Variants in MAMLD1 observed in about 807,000 individuals in gnomAD.
The protein encoded by MAMLD1 is mastermind-like domain-containing protein 1.
A neutral mutation model predicts 45.0 loss-of-function variants in MAMLD1; 14 were observed. The observed-to-expected ratio is 0.31, with a 90% confidence interval of 0.21 to 0.49. The LOEUF (loss-of-function observed/expected upper bound fraction) is 0.49, where lower values mean the gene tolerates loss of function less well. MAMLD1 is among the 20% of genes least tolerant of loss of function. The pLI, the probability that MAMLD1 is intolerant of heterozygous loss-of-function variation, is 0.99. For missense variants in MAMLD1, 543 were observed against 603.6 expected (o/e 0.90, Z 1.05); for synonymous variants, 254 against 247.8 (o/e 1.02, Z -0.24).
intron 1 of MAMLD1, among the ~76,000 whole-genome samples, chrX:150,374,594 G>A (rs2032209696): frequency 8.9e-6 from 1 of 112,310 alleles, no homozygotes; most frequent in African/African-American, 3.2e-5. Context: ...CTTTGATACT[G>A]CATAAGTTAC....
Position 150,512,265 on chromosome X carries a change from TCTGC to T in MAMLD1, c.*308_*311del, listed in dbSNP as rs1557409163. The stretch of plus-strand genomic sequence containing the variant: ...ACTCCCCTGGGCAGACTTGACTCTG[TCTGC>T]CAGCATATGCAGAGTCCCAAGGCCA... On this transcript the variant is annotated 3_prime_UTR_variant, in exon 8 of 8. Transcript: ENST00000370401. The T allele has an allele frequency of 1.3e-5, 14 of 1,114,156 alleles. No individual in the cohort carries two copies. The highest frequency in any genetic ancestry group is 1.8e-5 in the African/African-American group (1 of 54,746). The allele number at this position is 1,114,156 out of a possible 1,213,427, so 91.8% of individuals were successfully genotyped here. A position where few individuals can be genotyped will look rare whatever the true frequency, so the allele number is the denominator to read the frequency against.
At chrX:150,366,368 C>T (rs1324789349) in intron 1 of MAMLD1, among the ~76,000 whole-genome samples, 1 of 112,183 alleles carries the variant, frequency 8.9e-6, no homozygotes, top group Non-Finnish European at 1.9e-5. Flanking sequence ...CAAATGCGCG[C>T]ATACACACAT....
intron 1 of MAMLD1, among the ~76,000 whole-genome samples, chrX:150,444,207 G>A (rs1421725738): frequency 8.9e-6 from 1 of 111,833 alleles, no homozygotes; most frequent in African/African-American, 3.3e-5. Context: ...CTATGTGGGG[G>A]TGGAGTCTAG....
At chrX:150,404,378 C>T (rs111944108) in intron 1 of MAMLD1, among the ~76,000 whole-genome samples, 48 of 111,653 alleles carry the variant, frequency 4.3e-4, no homozygotes, top group African/African-American at 1.6e-3. Flanking sequence ...TGGAGATTCT[C>T]ACCCAGAAAG....
At chrX:150,497,404 C>T (rs1557408342) in intron 5 of MAMLD1, among the ~76,000 whole-genome samples, 1 of 107,583 alleles carries the variant, frequency 9.3e-6, no homozygotes, top group African/African-American at 3.4e-5. Flanking sequence ...GTGCCTCAGC[C>T]TCCCAAGTAG....
At position 150,462,678 on chromosome X, in the gene MAMLD1, C is replaced by A. The variant is rs1377339164; in HGVS notation, c.97-94C>A. 3 of 599,597 alleles carry A rather than the reference C, an allele frequency of 5.0e-6. No individual in the cohort carries two copies. In the African/African-American group the frequency reaches 6.6e-5, roughly 13 times the overall value. The allele number at this position is 599,597 out of a possible 1,213,427, so 49.4% of individuals were successfully genotyped here. A position where few individuals can be genotyped will look rare whatever the true frequency, so the allele number is the denominator to read the frequency against. On this transcript the variant is annotated intron_variant, in intron 2 of 7. Coordinates refer to ENST00000370401, the MANE Select transcript of MAMLD1 (RefSeq NM_005491.5). ...GAGGCTCATAATTTGATTCAAGTAACAGTCTGATCTGTGCCTCTCACTGAG... is the reference window on the plus strand; with the variant it reads ...GAGGCTCATAATTTGATTCAAGTAAAAGTCTGATCTGTGCCTCTCACTGAG...
chrX:150,513,748 G>A lies in MAMLD1; in HGVS notation c.*1789G>A, dbSNP rs182441278. 2.0e-4 allele frequency: 59 copies of A among 295,426 alleles called. 1 individual carries two copies. Among genetic ancestry groups the A allele is most frequent in the African/African-American group, 1.3e-3 (47 of 36,333 alleles). 24.3% of individuals were successfully genotyped at this position (295,426 alleles called of 1,213,427 possible). A position where few individuals can be genotyped will look rare whatever the true frequency, so the allele number is the denominator to read the frequency against. On this transcript the variant is annotated 3_prime_UTR_variant, in exon 8 of 8. Coordinates refer to ENST00000370401, the MANE Select transcript of MAMLD1 (RefSeq NM_005491.5). Reference sequence around the variant, plus strand: ...GAGGCGCAGAGACAGTGTGTGAGCCGAGCCCTGTCTCAGCAATCCACCTGG... The same window carrying A: ...GAGGCGCAGAGACAGTGTGTGAGCCAAGCCCTGTCTCAGCAATCCACCTGG...
rs782570263 is a variant in MAMLD1 at position 150,468,150 on chromosome X, T to C, written c.172-1595T>C. ...GCCTGGGCCACACCCTGGATGAAGC[T>C]GTCAGTTTGTGGTGGGAGGGCCCAG... On this transcript the variant is annotated intron_variant, in intron 3 of 7. Transcript: ENST00000370401. 2.7e-5 allele frequency among the ~76,000 whole-genome samples: 3 copies of C among 111,703 alleles called. No individual in the cohort carries two copies. In the East Asian group the frequency reaches 8.5e-4, roughly 32 times the overall value.
rs782043100 is a variant in MAMLD1, at chrX:150,464,556, C to T, written c.171+1710C>T. ...AATACAGGCATTGATACTATACACACGGATATTCCTTTGATCCCATGTGCA... is the reference window on the plus strand; with the variant it reads ...AATACAGGCATTGATACTATACACATGGATATTCCTTTGATCCCATGTGCA... On this transcript the variant is annotated intron_variant, in intron 3 of 7. Transcript: ENST00000370401. Among the ~76,000 whole-genome samples, 3 of 112,434 alleles carry T rather than the reference C, an allele frequency of 2.7e-5. No homozygotes were observed. The South Asian group carries it at 1.1e-3, about 41-fold the overall frequency.
chrX:150,394,358 T>C (rs782302868), intron 1 of MAMLD1, among the ~76,000 whole-genome samples: 1 of 109,905 alleles, frequency 9.1e-6, no homozygotes, highest in Non-Finnish European at 1.9e-5. Context: ...TTATAGTAAG[T>C]CTTGAGGTCA....
intron 1 of MAMLD1, among the ~76,000 whole-genome samples, chrX:150,393,100 G>A (rs113246542): frequency 0.042 from 4,685 of 111,497 alleles, 230 homozygotes; most frequent in African/African-American, 0.14. Flanking sequence ...TCTGTGCTCT[G>A]CCTATTTATC....
intron 5 of MAMLD1, among the ~76,000 whole-genome samples, chrX:150,486,141 A>G (rs2036977640): frequency 8.9e-6 from 1 of 112,106 alleles, no homozygotes; most frequent in South Asian, 3.7e-4. Flanking sequence ...CCTCAGTGTC[A>G]TCAAAGATGC....
At chrX:150,507,496 G>C (rs1300570246) in intron 6 of MAMLD1, among the ~76,000 whole-genome samples, 1 of 111,996 alleles carries the variant, frequency 8.9e-6, no homozygotes, top group Middle Eastern at 4.6e-3. Flanking sequence ...AGGAGCAGAG[G>C]ACTGGCGGTG....
chrX:150,430,121 A>G (rs1356207738), intron 1 of MAMLD1, among the ~76,000 whole-genome samples: 1 of 93,693 alleles, frequency 1.1e-5, no homozygotes, highest in Non-Finnish European at 2.0e-5. Flanking sequence ...TCATGGGTTC[A>G]AGCGATTCTC....
chrX:150,390,198 T>C (rs2033116614), intron 1 of MAMLD1, among the ~76,000 whole-genome samples: 1 of 111,904 alleles, frequency 8.9e-6, no homozygotes, highest in African/African-American at 3.3e-5. Context: ...CCCAAGTGTC[T>C]GGGACTACAG....
chrX:150,492,717 CAA>C (rs1245986631), intron 5 of MAMLD1, among the ~76,000 whole-genome samples: 1 of 112,093 alleles, frequency 8.9e-6, no homozygotes, highest in Non-Finnish European at 1.9e-5. Flanking sequence ...AGTCCACACA[CAA>C]AGGCTAAGTC....
At chrX:150,481,972 GAA>G (rs1491182899) in intron 5 of MAMLD1, among the ~76,000 whole-genome samples, 1 of 58,125 alleles carries the variant, frequency 1.7e-5, no homozygotes. Context: ...AAAAAAGAAA[GAA>G]AGAAAGAAAG....
intron 1 of MAMLD1, among the ~76,000 whole-genome samples, chrX:150,408,764 G>A (rs1469997345): frequency 1.8e-5 from 2 of 111,948 alleles, no homozygotes; most frequent in African/African-American, 6.5e-5. Context: ...CCAACGCGGG[G>A]GAGTCAGTCC....
chrX:150,475,587 G>C (rs2036559983), intron 5 of MAMLD1, among the ~76,000 whole-genome samples: 1 of 112,216 alleles, frequency 8.9e-6, no homozygotes, highest in African/African-American at 3.2e-5. Flanking sequence ...AATGCCACAT[G>C]ACTTTGGGGC....
Sources: allele counts gnomAD v4.1 joint callset (sites outside exome capture counted in the v4.1 genomes callset), GRCh38; gene constraint gnomAD v4.1.1; transcripts MANE v1.5; gene names NCBI Gene and HGNC (gene_info 2026-07-23, HGNC 2026-07-21).